PLOD2: variants seen among roughly 807,000 people sequenced by gnomAD.
The protein encoded by PLOD2 is lysine hydroxylase 2.
PLOD2 carries 65 observed loss-of-function variants against 101.0 expected under a neutral mutation model. The ratio of observed to expected loss-of-function variants is 0.64; its 90% CI spans 0.53 to 0.79. The LOEUF (loss-of-function observed/expected upper bound fraction) is 0.79, where lower values mean the gene tolerates loss of function less well. Among genes scored for constraint, PLOD2 ranks in the 30% least tolerant of loss-of-function variants. The pLI is 0.00. For missense variants in PLOD2, 909 were observed against 914.6 expected (o/e 0.99, Z 0.08); for synonymous variants, 314 against 302.9 (o/e 1.04, Z -0.38).
chr3:146,079,340 T>C (rs1936452264), intron 12 of PLOD2, 83 bp from the exon 13 acceptor site: 2 of 1,021,202 alleles, frequency 2.0e-6, no homozygotes, highest in Non-Finnish European at 3.0e-6. Context: ...AAATAAATGC[T>C]TTGTGTTTAG....
chr3:146,133,219 T>A (rs918011337), intron 1 of PLOD2, among the ~76,000 whole-genome samples: 1 of 152,158 alleles, frequency 6.6e-6, no homozygotes, highest in Admixed American at 6.5e-5. Context: ...GTATGAGGTG[T>A]AATTTTTAAT....
intron 1 of PLOD2, 86 bp from the exon 2 acceptor site, chr3:146,124,315 A>G: frequency 1.3e-6 from 1 of 752,950 alleles, no homozygotes; most frequent in South Asian, 1.4e-5. Context: ...TTGAGACCTC[A>G]CTAAACCCGT....
At position 146,085,203 on chromosome 3, in the gene PLOD2, G is replaced by C; in HGVS notation, c.1198C>G (p.Pro400Ala). ...TCAATCAAAATTTTTAAAGTCCTTG[G>C]ATTTGTCAAAACAACATCTGCATCC... ...SVDADVVLTNPRTLKILIEQN... is the reference protein window; with the variant it reads ...SVDADVVLTNARTLKILIEQN... The change falls in exon 11 of 20, where the codon CCA becomes GCA. Residue 400 changes from proline to alanine, a missense_variant. Pro to Ala is a conservative substitution (Grantham distance 27, BLOSUM62 -1). Transcript: ENST00000282903. The C allele has an allele frequency of 6.3e-7, 1 of 1,598,572 alleles. No individual in the cohort carries two copies. Among genetic ancestry groups the C allele is most frequent in the Non-Finnish European group, 8.6e-7 (1 of 1,166,580 alleles).
intron 12 of PLOD2, 125 bp downstream of exon 12, chr3:146,081,613 G>A: frequency 1.4e-6 from 1 of 710,222 alleles, no homozygotes; most frequent in South Asian, 1.8e-5. Flanking sequence ...GTGGTCTTGG[G>A]TTCTCAAATT....
intron 3 of PLOD2, among the ~76,000 whole-genome samples, chr3:146,114,560 G>A (rs1047307415): frequency 1.3e-5 from 2 of 152,078 alleles, no homozygotes; most frequent in African/African-American, 4.8e-5. Flanking sequence ...GAACACAGAT[G>A]AATCCAACCA....
intron 3 of PLOD2, among the ~76,000 whole-genome samples, chr3:146,116,942 G>C (rs1244886849): frequency 6.6e-6 from 1 of 152,020 alleles, no homozygotes; most frequent in Non-Finnish European, 1.5e-5. Flanking sequence ...ATATTCCATG[G>C]AAGGAATGCG....
chr3:146,100,518 C>T (rs1937349512), intron 7 of PLOD2, among the ~76,000 whole-genome samples: 1 of 152,066 alleles, frequency 6.6e-6, no homozygotes, highest in African/African-American at 2.4e-5. Flanking sequence ...ACACTGACAC[C>T]TAAAAGATAA....
At position 146,091,891 on chromosome 3, in the gene PLOD2, T is replaced by C. The variant is rs1559843145; in HGVS notation, c.788A>G (p.Asn263Ser). 6.4e-7 allele frequency: 1 copy of C among 1,564,464 alleles called. No individual in the cohort carries two copies. Among genetic ancestry groups the C allele is most frequent in the African/African-American group, 1.4e-5 (1 of 73,924 alleles). ...ATTGGGTACATAGTTTCCAAAATAATTCAGGAGAATCTTGTAAATGAAGGA... is the reference window on the plus strand; with the variant it reads ...ATTGGGTACATAGTTTCCAAAATAACTCAGGAGAATCTTGTAAATGAAGGA... Reference protein sequence around the residue: ...NGNGPTKILLNYFGNYVPNSW... With the variant: ...NGNGPTKILLSYFGNYVPNSW... Residue 263 changes from asparagine (N) to serine (S), a missense_variant, in exon 8 of 20, where the codon AAT becomes AGT. Physicochemically the swap from Asn to Ser is conservative, Grantham distance 46. Coordinates refer to ENST00000282903, the MANE Select transcript of PLOD2 (RefSeq NM_182943.3).
chr3:146,103,579 T>C (rs1415663811), intron 6 of PLOD2, among the ~76,000 whole-genome samples: 1 of 151,858 alleles, frequency 6.6e-6, no homozygotes. Flanking sequence ...CAGCCTCTCA[T>C]ATAGCTGGGA....
intron 15 of PLOD2, among the ~76,000 whole-genome samples, chr3:146,075,487 T>TAAAAAAAA (rs35706246): frequency 3.4e-4 from 32 of 93,620 alleles, no homozygotes; most frequent in East Asian, 1.6e-3. Flanking sequence ...CTCAAATCTG[T>TAAAAAAAA]AAAAAAAAAA....
chr3:146,129,043 G>A (rs2030751468), intron 1 of PLOD2, among the ~76,000 whole-genome samples: 1 of 151,134 alleles, frequency 6.6e-6, no homozygotes, highest in African/African-American at 2.4e-5. Context: ...TTTTAAACTG[G>A]CAACAATAAA....
intron 1 of PLOD2, among the ~76,000 whole-genome samples, chr3:146,134,253 A>G (rs528129422): frequency 6.6e-6 from 1 of 152,336 alleles, no homozygotes; most frequent in East Asian, 1.9e-4. Context: ...AAATGAAAAG[A>G]TTATCTTGGA....
Position 146,091,856 on chromosome 3 carries a change from G to A in PLOD2, c.823C>T (p.Gln275Ter). The change falls in exon 8 of 20, where the codon CAG (glutamine) becomes TAG (stop). Residue 275 changes from glutamine (Q) to a stop codon, truncating the protein, a stop_gained. Coordinates refer to ENST00000282903, the MANE Select transcript of PLOD2 (RefSeq NM_182943.3). LOFTEE classifies it high-confidence loss of function. ...TCACAAAGAGTGCAGCCATTATCCT[G>A]TGTCCATGAATTGGGTACATAGTTT... ...FGNYVPNSWT[Q>*]DNGCTLCEFD... is the part of the protein sequence containing the mutation. 6.2e-7 allele frequency: 1 copy of A among 1,607,634 alleles called. No homozygotes were observed. The highest frequency in any genetic ancestry group is 8.5e-7 in the Non-Finnish European group (1 of 1,174,344).
In PLOD2 at chr3:146,156,872, C is replaced by A. The variant is rs567365934; in HGVS notation, c.109+4009G>T. On this transcript the variant is annotated intron_variant, in intron 1 of 19. Coordinates refer to ENST00000282903, the MANE Select transcript of PLOD2 (RefSeq NM_182943.3). ...TTCTACTGCTTTCCACCTATGTGAG[C>A]TTGTGCAAGGTATGTAACCATCCCA... Among the ~76,000 whole-genome samples, 19 of 152,320 alleles carry A rather than the reference C, an allele frequency of 1.2e-4. No homozygotes were observed. The South Asian group carries it at 3.9e-3, about 32-fold the overall frequency.
intron 7 of PLOD2, among the ~76,000 whole-genome samples, chr3:146,095,039 C>T (rs1170473138): frequency 4.6e-5 from 7 of 151,982 alleles, no homozygotes; most frequent in African/African-American, 1.2e-4. Flanking sequence ...AGAAACTGGA[C>T]CTCTTCCTCA....
At position 146,106,533 on chromosome 3, in the gene PLOD2, C is replaced by A. The variant is rs1177688225; in HGVS notation, c.614G>T (p.Arg205Met). The stretch of plus-strand genomic sequence containing the variant: ...AAAAAAATTGCAGCTGTTACACACC[C>A]TTTTCAGTGGATCAATGTAAACTTT... ...YTKVYIDPLK[R>M]EAINITLDHK... The change falls in exon 5 of 20, where the codon AGG becomes ATG. Residue 205 changes from arginine to methionine, a missense_variant and splice_region_variant. Coordinates refer to ENST00000282903, the MANE Select transcript of PLOD2 (RefSeq NM_182943.3). 6.4e-6 allele frequency: 9 copies of A among 1,407,254 alleles called. No individual in the cohort carries two copies. The South Asian group carries it at 9.2e-5, about 14-fold the overall frequency. 87.2% of individuals were successfully genotyped at this position (1,407,254 alleles called of 1,614,324 possible).
chr3:146,077,568 T>C (rs1936390150), intron 14 of PLOD2: 1 of 289,374 alleles, frequency 3.5e-6, no homozygotes, highest in South Asian at 6.4e-5. Context: ...TTCTACCCTC[T>C]TCTCTCCCTT....
At chr3:146,102,944 A>C (rs1937443329) in intron 6 of PLOD2, 92 bp from the exon 7 acceptor site, 1 of 702,070 alleles carries the variant, frequency 1.4e-6, no homozygotes, top group African/African-American at 1.8e-5. Context: ...TGTGTGTATC[A>C]TCATTACAAA....
intron 3 of PLOD2, among the ~76,000 whole-genome samples, chr3:146,115,145 C>T (rs1407763170): frequency 3.9e-5 from 6 of 152,094 alleles, no homozygotes; most frequent in Admixed American, 6.5e-5. Context: ...TTTCTCAGAC[C>T]GGCCAACACT....
Sources: allele counts gnomAD v4.1 joint callset (sites outside exome capture counted in the v4.1 genomes callset), GRCh38; gene constraint gnomAD v4.1.1; transcripts MANE v1.5; gene names NCBI Gene and HGNC (gene_info 2026-07-23, HGNC 2026-07-21).